Variants in TTC27 observed in about 807,000 individuals in gnomAD.
The protein encoded by TTC27 is tetratricopeptide repeat domain 27, also known as tetratricopeptide repeat protein 27.
In TTC27, 79 loss-of-function variants were observed where a neutral mutation model predicts 115.9. The ratio of observed to expected loss-of-function variants is 0.68; its 90% CI spans 0.57 to 0.82. TTC27 has a LOEUF of 0.82. Ranked by LOEUF, TTC27 falls within the 40% of genes least tolerant of loss-of-function variation. TTC27 has a pLI of 0.00. For synonymous variants in TTC27, 401 were observed against 356.0 expected, an observed-to-expected ratio of 1.13 and a Z score of -1.42; for missense variants, 1,054 against 993.1, an observed-to-expected ratio of 1.06 and a Z score of -0.82.
rs143696223 is a variant in TTC27 at position 32,705,501 on chromosome 2, C to T, written c.1233+2581C>T. On this transcript the variant is annotated intron_variant, in intron 10 of 19. Transcript: ENST00000317907. The stretch of plus-strand genomic sequence containing the variant: ...TTTTATTTATTTATTTTTTACTTGC[C>T]ACTATACTAACGAGGAGGTTTTAGC... 9.3e-3 allele frequency among the ~76,000 whole-genome samples: 1,417 copies of T among 151,798 alleles called. 11 individuals carry two copies. The highest frequency in any genetic ancestry group is 0.024 in the Middle Eastern group (7 of 294).
Position 32,758,410 on chromosome 2 carries a change from A to C in TTC27, c.1571A>C (p.Tyr524Ser), listed in dbSNP as rs768866534. ...CYDKAWELSRYRSARAQRSKA... is the reference protein window; with the variant it reads ...CYDKAWELSRSRSARAQRSKA... ...GACAAGGCCTGGGAGTTGTCCCGGT[A>C]CCGCAGTGCTCGTGCTCAGCGCTCC... The change falls in exon 13 of 20, where the codon TAC (tyrosine) becomes TCC (serine). Residue 524 changes from tyrosine to serine, a missense_variant. By Grantham distance (144) the Tyr-to-Ser change is moderately radical. Transcript: ENST00000317907. The C allele has an allele frequency of 6.2e-7, 1 of 1,614,216 alleles. No homozygotes were observed. Among genetic ancestry groups the C allele is most frequent in the South Asian group, 1.1e-5 (1 of 91,088 alleles).
intron 5 of TTC27, among the ~76,000 whole-genome samples, chr2:32,655,305 T>A (rs1463424549): frequency 2.0e-5 from 3 of 152,074 alleles, no homozygotes; most frequent in Admixed American, 6.6e-5. Context: ...GGCTATTTTT[T>A]AAATTTTTCT....
At position 32,654,015 on chromosome 2, in the gene TTC27, G is replaced by A. The variant is rs527437048; in HGVS notation, c.640+3782G>A. Among the ~76,000 whole-genome samples, 3 of 152,234 alleles carry A rather than the reference G, an allele frequency of 2.0e-5. No individual in the cohort carries two copies. In the East Asian group the frequency reaches 5.8e-4, roughly 29 times the overall value. On this transcript the variant is annotated intron_variant, in intron 5 of 19. Coordinates refer to ENST00000317907, the MANE Select transcript of TTC27 (RefSeq NM_017735.5). ...TAAATCTTACCAGTTCTTCCCCAAG[G>A]GTCCCATATTGATCTGTCTTTTCCA...
chr2:32,816,919 T>C (rs1671518783), intron 18 of TTC27, among the ~76,000 whole-genome samples: 1 of 152,228 alleles, frequency 6.6e-6, no homozygotes, highest in Admixed American at 6.5e-5. Context: ...GTGTGGGTAC[T>C]TTGTTTTCAA....
chr2:32,724,309 T>G (rs965535657), intron 10 of TTC27, among the ~76,000 whole-genome samples: 30 of 152,158 alleles, frequency 2.0e-4, no homozygotes, highest in African/African-American at 7.2e-4. Context: ...ACCATCTTCA[T>G]AATAAGGGCA....
intron 5 of TTC27, among the ~76,000 whole-genome samples, chr2:32,652,567 T>C (rs894240356): frequency 5.3e-5 from 8 of 152,172 alleles, no homozygotes; most frequent in African/African-American, 1.9e-4. Flanking sequence ...TTTCAGCATG[T>C]CATTTGCTTT....
intron 10 of TTC27, among the ~76,000 whole-genome samples, chr2:32,708,301 C>CTTGTTTTTTT (rs1559215852): frequency 1.9e-4 from 15 of 80,304 alleles, no homozygotes; most frequent in East Asian, 3.4e-4. Flanking sequence ...TTTTCTCTAC[C>CTTGTTTTTTT]TTGTTTTTTT....
intron 4 of TTC27, among the ~76,000 whole-genome samples, chr2:32,644,681 A>C (rs914304140): frequency 2.0e-5 from 3 of 152,014 alleles, no homozygotes; most frequent in African/African-American, 7.2e-5. Context: ...CTCCCACCTC[A>C]GCCTCCTGAG....
intron 9 of TTC27, among the ~76,000 whole-genome samples, chr2:32,688,045 A>G (rs907662752): frequency 3.9e-5 from 6 of 152,180 alleles, no homozygotes; most frequent in African/African-American, 1.4e-4. Flanking sequence ...CATAAAACAA[A>G]TCTGCATAAA....
At chr2:32,767,453 G>GT (rs397754905) in intron 13 of TTC27, among the ~76,000 whole-genome samples, 52,521 of 112,596 alleles carry the variant, frequency 0.47, 14,269 homozygotes, top group Non-Finnish European at 0.5. Context: ...GTTTTTTTTT[G>GT]TTTTTTTTTT....
chr2:32,653,995 C>T (rs1453233895), intron 5 of TTC27, among the ~76,000 whole-genome samples: 1 of 152,190 alleles, frequency 6.6e-6, no homozygotes, highest in African/African-American at 2.4e-5. Context: ...GTTCTTAAAT[C>T]TTACCAGTTC....
At chr2:32,784,552 C>T (rs1177260557) in intron 15 of TTC27, among the ~76,000 whole-genome samples, 2 of 152,234 alleles carry the variant, frequency 1.3e-5, no homozygotes, top group Non-Finnish European at 2.9e-5. Flanking sequence ...ATATCATGTT[C>T]CTATCAGTCC....
chr2:32,642,350 C>T (rs901079729), intron 4 of TTC27, among the ~76,000 whole-genome samples: 4 of 137,660 alleles, frequency 2.9e-5, no homozygotes, highest in Non-Finnish European at 1.5e-5. Flanking sequence ...CTCACAGGTT[C>T]AAGCGATTCT....
intron 16 of TTC27, among the ~76,000 whole-genome samples, chr2:32,807,464 T>A: frequency 6.6e-6 from 1 of 151,706 alleles, no homozygotes; most frequent in Admixed American, 6.5e-5. Flanking sequence ...TTTGTTGACT[T>A]CTTCTTATCT....
At chr2:32,779,862 G>GTAGA (rs1235574321) in intron 14 of TTC27, among the ~76,000 whole-genome samples, 1 of 152,090 alleles carries the variant, frequency 6.6e-6, no homozygotes. Flanking sequence ...TCTTTTACAT[G>GTAGA]TAGATATCCA....
chr2:32,725,457 C>T (rs1180225785), intron 10 of TTC27, among the ~76,000 whole-genome samples: 1 of 152,122 alleles, frequency 6.6e-6, no homozygotes, highest in Non-Finnish European at 1.5e-5. Context: ...GTCCGAAATC[C>T]AGCGGGGCAA....
chr2:32,796,371 T>C (rs1670702228), intron 16 of TTC27, among the ~76,000 whole-genome samples: 1 of 152,180 alleles, frequency 6.6e-6, no homozygotes, highest in Non-Finnish European at 1.5e-5. Context: ...TTGTCAGTAC[T>C]ACCCAAAGTG....
chr2:32,816,881 C>T (rs942270062), intron 18 of TTC27, among the ~76,000 whole-genome samples: 5 of 152,300 alleles, frequency 3.3e-5, no homozygotes, highest in African/African-American at 1.2e-4. Flanking sequence ...GAAAGCCACA[C>T]AAAGATGTGC....
At chr2:32,632,724 G>A (rs1378994104) in intron 2 of TTC27, among the ~76,000 whole-genome samples, 1 of 151,862 alleles carries the variant, frequency 6.6e-6, no homozygotes, top group Non-Finnish European at 1.5e-5. Context: ...GGGCCTAGGG[G>A]CTGTGGGGAA....
Sources: allele counts gnomAD v4.1 joint callset (sites outside exome capture counted in the v4.1 genomes callset), GRCh38; gene constraint gnomAD v4.1.1; transcripts MANE v1.5; gene names NCBI Gene and HGNC (gene_info 2026-07-23, HGNC 2026-07-21).